DST: variants seen among roughly 807,000 people sequenced by gnomAD.
DST encodes dystonin.
Under a neutral mutation model 875.2 loss-of-function variants are expected in DST, and 253 were observed. The observed-to-expected ratio is 0.29, with a 90% CI of 0.26 to 0.32. DST has a LOEUF of 0.32. Ranked by LOEUF, DST falls within the 10% of genes least tolerant of loss-of-function variation. The probability of loss-of-function intolerance (pLI) is 1.00; values close to 1 mark genes in which losing one functional copy is unlikely to be tolerated. For missense variants in DST, 8,287 were observed against 9,111.6 expected (o/e 0.91, Z 3.68); for synonymous variants, 3,124 against 3,197.1 (o/e 0.98, Z 0.77).
At chr6:56,819,123 A>C (rs531842506) in intron 4 of DST, among the ~76,000 whole-genome samples, 1 of 152,198 alleles carries the variant, frequency 6.6e-6, no homozygotes, top group Admixed American at 6.5e-5. Flanking sequence ...CAAATTCCTA[A>C]ACTCCAAAAA....
At chr6:56,536,423 T>C (rs971485280) in intron 62 of DST, among the ~76,000 whole-genome samples, 2 of 152,216 alleles carry the variant, frequency 1.3e-5, no homozygotes, top group African/African-American at 4.8e-5. Context: ...ACAGAATATC[T>C]GGCAACAGTG....
At chr6:56,845,562 A>G (rs187826065) in intron 4 of DST, among the ~76,000 whole-genome samples, 1 of 152,354 alleles carries the variant, frequency 6.6e-6, no homozygotes, top group East Asian at 1.9e-4. Context: ...CTCGATATGC[A>G]TTTGTATGCA....
At chr6:56,861,812 G>C (rs959291743) in intron 3 of DST, 2 of 152,106 alleles carry the variant, frequency 1.3e-5, no homozygotes, top group Non-Finnish European at 2.9e-5. Context: ...CTGACACCGT[G>C]GTATGCATCT....
Position 56,628,119 on chromosome 6 carries a change from G to A in DST, c.4518C>T (p.Tyr1506=). Reference sequence around the variant, plus strand: ...CATCTAAAGGATGGTAAGTGTCTCTGTAGTACTTCAGTGATTTGCCAATGC... The same window carrying A: ...CATCTAAAGGATGGTAAGTGTCTCTATAGTACTTCAGTGATTTGCCAATGC... ...LEGIGKSLKY[Y]RDTYHPLDDW... is the part of the protein sequence containing the mutation. The change falls in exon 33 of 104, where the codon TAC becomes TAT. Residue 1506 remains tyrosine, a synonymous_variant. Coordinates refer to ENST00000680361, the MANE Select transcript of DST (RefSeq NM_001374736.1). 1 of 1,613,700 alleles carries A rather than the reference G, an allele frequency of 6.2e-7. No homozygotes were observed. Among genetic ancestry groups the A allele is most frequent in the Non-Finnish European group, 8.5e-7 (1 of 1,179,622 alleles).
rs773644429 is a variant in DST at position 56,561,567 on chromosome 6, A to G, written c.14069-18T>C. 60 of 1,596,572 alleles carry G rather than the reference A, an allele frequency of 3.8e-5. No individual in the cohort carries two copies. The South Asian group carries it at 6.8e-4, about 18-fold the overall frequency. ...TGTTAAACCTAGGAGTAAGAAAAACAACTATACTGACACATTTTCAGGACA... is the reference window on the plus strand; with the variant it reads ...TGTTAAACCTAGGAGTAAGAAAAACGACTATACTGACACATTTTCAGGACA... On this transcript the variant is annotated intron_variant, in intron 56 of 103. Transcript: ENST00000680361.
chr6:56,625,498 T>G (rs2098724967), intron 34 of DST, among the ~76,000 whole-genome samples: 1 of 152,068 alleles, frequency 6.6e-6, no homozygotes, highest in South Asian at 2.1e-4. Context: ...GGTAGCCCCA[T>G]AAAATTATAA....
At chr6:56,908,855 C>T (rs1224328234) in intron 2 of DST, among the ~76,000 whole-genome samples, 1 of 152,184 alleles carries the variant, frequency 6.6e-6, no homozygotes, top group South Asian at 2.1e-4. Flanking sequence ...TTACAGATCC[C>T]ATGGCAAGGT....
intron 69 of DST, 37 bp from the exon 70 acceptor site, chr6:56,517,657 C>T (rs529569427): frequency 2.5e-5 from 39 of 1,582,992 alleles, no homozygotes; most frequent in South Asian, 2.2e-4. Flanking sequence ...AGCACGTTCC[C>T]GTTCCTGATG....
At chr6:56,615,016 T>C in intron 36 of DST, 8 of 998,482 alleles carry the variant, frequency 8.0e-6, no homozygotes. Context: ...GCAAAGAAGG[T>C]CACTATATAC....
rs781710787 is a variant in DST at position 56,632,987 on chromosome 6, T to C, written c.3672A>G (p.Gln1224=). ...GEHQQVLSNL[Q]SRFEDFLEDS... is the part of the protein sequence containing the mutation. The stretch of plus-strand genomic sequence containing the variant: ...CTTCCAGAAAATCTTCAAAACGAGA[T>C]TGTAGATTACTTAGAACTTGCTGAT... The change falls in exon 28 of 104, where the codon CAA becomes CAG. Residue 1224 remains glutamine (Q), a synonymous_variant. Transcript: ENST00000680361. 2.5e-6 allele frequency: 4 copies of C among 1,613,908 alleles called. No homozygotes were observed. Among genetic ancestry groups the C allele is most frequent in the African/African-American group, 1.3e-5 (1 of 74,924 alleles).
chr6:56,867,693 G>A (rs1196984057), intron 3 of DST, among the ~76,000 whole-genome samples: 1 of 152,120 alleles, frequency 6.6e-6, no homozygotes, highest in Non-Finnish European at 1.5e-5. Flanking sequence ...GAGGTATGGT[G>A]GTGCACAGCC....
chr6:56,522,824 T>C (rs1248716180), intron 69 of DST, among the ~76,000 whole-genome samples: 2 of 148,914 alleles, frequency 1.3e-5, no homozygotes, highest in Non-Finnish European at 3.1e-5. Context: ...CTGACAGTTG[T>C]ACATTATAAG....
chr6:56,615,246 AT>A, intron 36 of DST: 1 of 1,219,126 alleles, frequency 8.2e-7, no homozygotes, highest in African/African-American at 1.6e-5. Flanking sequence ...TTTATCCCAC[AT>A]TCTACGTAAA....
chr6:56,620,758 A>G (rs2152740431), intron 36 of DST: 1 of 1,538,534 alleles, frequency 6.5e-7, no homozygotes, highest in Non-Finnish European at 9.0e-7. Flanking sequence ...TTCTGTTCAA[A>G]ATATCTTACA....
chr6:56,702,621 C>G lies in DST; in HGVS notation c.877-656G>C, dbSNP rs189132633. On this transcript the variant is annotated intron_variant, in intron 7 of 103. Coordinates refer to ENST00000680361, the MANE Select transcript of DST (RefSeq NM_001374736.1). ...AGGACTCTATACTCGTTTTATACTA[C>G]TTGGGGATGGAAACAATTATTTTCT... is the stretch of plus-strand genomic sequence containing the variant. Among the ~76,000 whole-genome samples the G allele has an allele frequency of 1.3e-3, 205 of 152,222 alleles. 3 individuals carry two copies. The highest frequency in any genetic ancestry group is 2.4e-4 in the Non-Finnish European group (16 of 68,010).
intron 4 of DST, among the ~76,000 whole-genome samples, chr6:56,749,282 A>C (rs2967958): frequency 0.015 from 2,323 of 152,228 alleles, 56 homozygotes; most frequent in African/African-American, 0.053. Flanking sequence ...TTAACCCGGG[A>C]GGCAGAGGTT....
At chr6:56,721,718 T>C (rs1353706325) in intron 5 of DST, among the ~76,000 whole-genome samples, 1 of 152,232 alleles carries the variant, frequency 6.6e-6, no homozygotes, top group Non-Finnish European at 1.5e-5. Flanking sequence ...AAAGCAGTTA[T>C]GGTAGAAAAT....
intron 2 of DST, among the ~76,000 whole-genome samples, chr6:56,938,725 A>T (rs1415284390): frequency 6.6e-6 from 1 of 152,220 alleles, no homozygotes; most frequent in Non-Finnish European, 1.5e-5. Context: ...CCCAGATTCC[A>T]GACTTCAAGA....
Position 56,605,512 on chromosome 6 carries a change from T to C in DST, c.9116A>G (p.Lys3039Arg). The C allele has an allele frequency of 3.1e-6, 5 of 1,613,090 alleles. No homozygotes were observed. Among genetic ancestry groups the C allele is most frequent in the Non-Finnish European group, 4.2e-6 (5 of 1,179,362 alleles). The stretch of plus-strand genomic sequence containing the variant: ...TTCATCTTCTATTAGAATATCACTT[T>C]TGCCATCTCTCCCTTTAATGAGATC... ...GSDLIKGRDG[K>R]SDILIEDETS... Residue 3039 changes from lysine (K) to arginine (R), a missense_variant, in exon 40 of 104, where the codon AAA becomes AGA. Physicochemically the swap from Lys to Arg is conservative, Grantham distance 26. Coordinates refer to ENST00000680361, the MANE Select transcript of DST (RefSeq NM_001374736.1).
Sources: allele counts gnomAD v4.1 joint callset (sites outside exome capture counted in the v4.1 genomes callset), GRCh38; gene constraint gnomAD v4.1.1; transcripts MANE v1.5; gene names NCBI Gene and HGNC (gene_info 2026-07-23, HGNC 2026-07-21).